TBC1D1: variants seen among roughly 807,000 people sequenced by gnomAD.
TBC1D1 encodes TBC1 (tre-2/USP6, BUB2, cdc16) domain family, member 1.
Under a neutral mutation model 125.6 loss-of-function variants are expected in TBC1D1, and 89 were observed. The ratio of observed to expected loss-of-function variants is 0.71; its 90% confidence interval spans 0.60 to 0.85. TBC1D1 has a LOEUF of 0.85. TBC1D1 is among the 40% of genes least tolerant of loss of function. The probability of loss-of-function intolerance (pLI) is 0.00; values close to 1 mark genes in which losing one functional copy is unlikely to be tolerated. For missense variants in TBC1D1, 1,377 were observed against 1,469.2 expected, an observed-to-expected ratio of 0.94 and a Z score of 1.03; for synonymous variants, 565 against 564.1, an observed-to-expected ratio of 1.00 and a Z score of -0.02.
At chr4:37,942,645 T>C (rs1725811432) in intron 2 of TBC1D1, among the ~76,000 whole-genome samples, 1 of 152,094 alleles carries the variant, frequency 6.6e-6, no homozygotes, top group African/African-American at 2.4e-5. Flanking sequence ...TTCATGCCAT[T>C]CTCCTGCCTC....
At chr4:37,992,797 CTT>C (rs748889632) in intron 2 of TBC1D1, among the ~76,000 whole-genome samples, 9 of 120,526 alleles carry the variant, frequency 7.5e-5, no homozygotes, top group East Asian at 5.0e-4. Context: ...CTGGCCGATT[CTT>C]TTTTTTTTTT....
chr4:37,945,338 C>T (rs1726450137), intron 2 of TBC1D1, among the ~76,000 whole-genome samples: 2 of 151,444 alleles, frequency 1.3e-5, no homozygotes. Context: ...ACATGGCAAA[C>T]TCCATCTCTA....
At chr4:38,033,166 A>G (rs1746503120) in intron 7 of TBC1D1, among the ~76,000 whole-genome samples, 1 of 152,186 alleles carries the variant, frequency 6.6e-6, no homozygotes, top group Non-Finnish European at 1.5e-5. Flanking sequence ...AAATATATTA[A>G]TACTCCTCCT....
intron 15 of TBC1D1, among the ~76,000 whole-genome samples, chr4:38,109,201 G>A (rs1181020406): frequency 6.6e-6 from 1 of 152,212 alleles, no homozygotes; most frequent in East Asian, 1.9e-4. Flanking sequence ...TTGCTGTATG[G>A]AGGTCAGTTG....
At chr4:38,026,512 C>T (rs1207070683) in intron 6 of TBC1D1, among the ~76,000 whole-genome samples, 1 of 152,266 alleles carries the variant, frequency 6.6e-6, no homozygotes, top group Non-Finnish European at 1.5e-5. Flanking sequence ...ATGTAGGTGC[C>T]TCGCACACTG....
intron 4 of TBC1D1, among the ~76,000 whole-genome samples, chr4:38,019,099 AATTAAG>A (rs1487195944): frequency 4.6e-5 from 7 of 152,132 alleles, no homozygotes; most frequent in Non-Finnish European, 1.0e-4. Context: ...AGAATCTATC[AATTAAG>A]ATTAGCTGTG....
At chr4:37,971,670 A>G (rs547758020) in intron 2 of TBC1D1, among the ~76,000 whole-genome samples, 4 of 150,302 alleles carry the variant, frequency 2.7e-5, no homozygotes, top group Admixed American at 2.6e-4. Flanking sequence ...TGCTTTCCAC[A>G]GAGCAACTAT....
chr4:38,094,589 A>C (rs769501443), intron 13 of TBC1D1, among the ~76,000 whole-genome samples: 7 of 152,342 alleles, frequency 4.6e-5, no homozygotes, highest in Non-Finnish European at 8.8e-5. Flanking sequence ...ATACGGAAAC[A>C]GCAGGATGTT....
At chr4:37,936,101 A>T (rs1372858754) in intron 2 of TBC1D1, among the ~76,000 whole-genome samples, 3 of 152,056 alleles carry the variant, frequency 2.0e-5, no homozygotes, top group Non-Finnish European at 2.9e-5. Flanking sequence ...CACCGCTTAG[A>T]CGTGCAGTGG....
At chr4:37,897,370 C>T (rs114728048) in intron 1 of TBC1D1, among the ~76,000 whole-genome samples, 3,088 of 152,258 alleles carry the variant, frequency 0.02, 47 homozygotes, top group Middle Eastern at 0.044. Flanking sequence ...TACCCTGAAT[C>T]TTATATTAGC....
chr4:38,099,849 C>CT (rs1448046115), intron 14 of TBC1D1, among the ~76,000 whole-genome samples: 2 of 152,184 alleles, frequency 1.3e-5, no homozygotes, highest in African/African-American at 4.8e-5. Context: ...ATCACAGAAT[C>CT]TAAGCTTACT....
At chr4:38,013,058 G>T (rs1050550876) in intron 2 of TBC1D1, among the ~76,000 whole-genome samples, 1 of 152,178 alleles carries the variant, frequency 6.6e-6, no homozygotes, top group African/African-American at 2.4e-5. Flanking sequence ...CTCCCAAAGT[G>T]CTGGGATTAC....
At chr4:38,010,914 GATGCCTAGAAAAATGTATAGAA>G (rs1234308613) in intron 2 of TBC1D1, among the ~76,000 whole-genome samples, 1 of 152,180 alleles carries the variant, frequency 6.6e-6, no homozygotes. Flanking sequence ...GGCATCTAGA[GATGCCTAGAAAAATGTATAGAA>G]ATAAAATGAA....
intron 1 of TBC1D1, among the ~76,000 whole-genome samples, chr4:37,893,662 A>G (rs1359698052): frequency 6.6e-6 from 1 of 152,150 alleles, no homozygotes; most frequent in African/African-American, 2.4e-5. Flanking sequence ...CTACAAAAAT[A>G]TAGATCTACA....
At chr4:37,973,163 T>C (rs1206448538) in intron 2 of TBC1D1, among the ~76,000 whole-genome samples, 1 of 152,160 alleles carries the variant, frequency 6.6e-6, no homozygotes, top group Non-Finnish European at 1.5e-5. Flanking sequence ...GATTAGTGAT[T>C]CTGCCTACTC....
At chr4:38,095,799 T>C (rs937462340) in intron 13 of TBC1D1, 130 bp from the exon 16 acceptor site, 35 of 902,124 alleles carry the variant, frequency 3.9e-5, no homozygotes, top group Admixed American at 7.6e-5. Flanking sequence ...CAGTGACTTA[T>C]ATTTAGACGC....
At chr4:38,105,779 C>T (rs1048915693) in intron 15 of TBC1D1, among the ~76,000 whole-genome samples, 7 of 152,202 alleles carry the variant, frequency 4.6e-5, no homozygotes, top group African/African-American at 1.7e-4. Context: ...TTGTCCCTTT[C>T]TATGGCTGCA....
At chr4:38,022,777 A>G (rs10024398) in intron 6 of TBC1D1, among the ~76,000 whole-genome samples, 8,333 of 152,226 alleles carry the variant, frequency 0.055, 404 homozygotes, top group African/African-American at 0.13. Context: ...AGGCATCTGG[A>G]AGGTGAAGGA....
In TBC1D1 at chr4:38,117,913, C is replaced by G. The variant is rs1763234652; in HGVS notation, c.2803-120C>G. 3.2e-6 allele frequency: 3 copies of G among 925,750 alleles called. No homozygotes were observed. In the East Asian group the frequency reaches 7.4e-5, roughly 23 times the overall value. 57.3% of individuals were successfully genotyped at this position (925,750 alleles called of 1,614,324 possible). ...TAGCTGAGCTCAGTGGATCGCAAGC[C>G]AAATCGAATGTTTAAAGTTCTAGTA... On this transcript the variant is annotated intron_variant, in intron 16 of 19. Transcript: ENST00000261439.
Sources: allele counts gnomAD v4.1 joint callset (sites outside exome capture counted in the v4.1 genomes callset), GRCh38; gene constraint gnomAD v4.1.1; transcripts MANE v1.5; gene names NCBI Gene and HGNC (gene_info 2026-07-23, HGNC 2026-07-21).